ADGRL2: variants seen among roughly 807,000 people sequenced by gnomAD.
The protein encoded by ADGRL2 is calcium-independent alpha-latrotoxin receptor 2.
A neutral mutation model predicts 157.4 loss-of-function variants in ADGRL2; 44 were observed. That is an observed-to-expected ratio of 0.28 (90% CI 0.22 to 0.36). The LOEUF (loss-of-function observed/expected upper bound fraction) is 0.36, where lower values mean the gene tolerates loss of function less well. Among genes scored for constraint, ADGRL2 ranks in the 10% least tolerant of loss-of-function variants. The probability of loss-of-function intolerance (pLI) is 1.00; values close to 1 mark genes in which losing one functional copy is unlikely to be tolerated. For synonymous variants in ADGRL2, 585 were observed against 624.7 expected (o/e 0.94, Z 0.95); for missense variants, 1,510 against 1,768.9 (o/e 0.85, Z 2.63).
intron 2 of ADGRL2, among the ~76,000 whole-genome samples, chr1:81,564,700 GC>G (rs1251312794): frequency 6.6e-6 from 1 of 152,188 alleles, no homozygotes; most frequent in African/African-American, 2.4e-5. Flanking sequence ...ACTAGGTCCA[GC>G]CCATGCTGAA....
At chr1:81,984,476 T>A in intron 19 of ADGRL2, 107 bp from the exon 20 acceptor site, 1 of 1,192,654 alleles carries the variant, frequency 8.4e-7, no homozygotes, top group Non-Finnish European at 1.1e-6. Flanking sequence ...CGGATAAGTT[T>A]TAGTGGAACT....
At chr1:81,836,560 G>T (rs2092292573) in intron 1 of ADGRL2, among the ~76,000 whole-genome samples, 1 of 152,072 alleles carries the variant, frequency 6.6e-6, no homozygotes, top group African/African-American at 2.4e-5. Context: ...ATCCATAGGG[G>T]CTATGAATAC....
At chr1:81,602,759 G>A (rs1398607318) in intron 3 of ADGRL2, among the ~76,000 whole-genome samples, 3 of 151,508 alleles carry the variant, frequency 2.0e-5, no homozygotes, top group African/African-American at 2.4e-5. Context: ...CTAGCCAGAC[G>A]AGATGGCATG....
chr1:81,445,271 A>G (rs1397007176), intron 2 of ADGRL2, among the ~76,000 whole-genome samples: 1 of 152,202 alleles, frequency 6.6e-6, no homozygotes, highest in Non-Finnish European at 1.5e-5. Context: ...AAGAAACTAC[A>G]TGTATGGGTT....
Position 81,990,745 on chromosome 1 carries a change from T to G in ADGRL2, c.4010T>G (p.Leu1337Arg), listed in dbSNP as rs572100788. The G allele has an allele frequency of 6.2e-7, 1 of 1,614,100 alleles. No individual in the cohort carries two copies. Among genetic ancestry groups the G allele is most frequent in the South Asian group, 1.1e-5 (1 of 91,082 alleles). ...ELHHKELEAP[L>R]IPQRTHSLLY... Reference sequence around the variant, plus strand: ...CATCACAAAGAACTCGAGGCACCACTTATTCCTCAGCGGACTCACTCCCTT... The same window carrying G: ...CATCACAAAGAACTCGAGGCACCACGTATTCCTCAGCGGACTCACTCCCTT... The change falls in exon 24 of 24, where the codon CTT becomes CGT. Residue 1337 changes from leucine to arginine, a missense_variant. Leu to Arg is a moderately radical substitution (Grantham distance 102). Around this residue, in one of 4 missense-constraint regions of ADGRL2, gnomAD observed 327 missense variants for 310.1 expected, o/e 1.05. Coordinates refer to ENST00000686636, the MANE Select transcript of ADGRL2 (RefSeq NM_001366006.2).
chr1:81,602,846 C>T (rs544092883), intron 3 of ADGRL2, among the ~76,000 whole-genome samples: 4 of 149,020 alleles, frequency 2.7e-5, no homozygotes, highest in East Asian at 2.0e-4. Flanking sequence ...TGCAGTGAGC[C>T]GAGATCACAC....
chr1:81,661,149 T>C (rs1198910101), intron 3 of ADGRL2, among the ~76,000 whole-genome samples: 1 of 152,014 alleles, frequency 6.6e-6, no homozygotes, highest in African/African-American at 2.4e-5. Flanking sequence ...AATGTTCAAA[T>C]TTAAATATCT....
At chr1:81,897,121 T>C (rs2151543936) in intron 2 of ADGRL2, among the ~76,000 whole-genome samples, 1 of 152,288 alleles carries the variant, frequency 6.6e-6, no homozygotes, top group East Asian at 1.9e-4. Context: ...GACCCAAACC[T>C]AAGCTCAGGT....
At chr1:81,726,191 T>C (rs947795224) in intron 1 of ADGRL2, among the ~76,000 whole-genome samples, 1 of 152,152 alleles carries the variant, frequency 6.6e-6, no homozygotes, top group Non-Finnish European at 1.5e-5. Context: ...TGCCCCTCTT[T>C]TATTCCAATA....
intron 1 of ADGRL2, among the ~76,000 whole-genome samples, chr1:81,375,781 A>T (rs1413652447): frequency 6.6e-6 from 1 of 152,130 alleles, no homozygotes; most frequent in Non-Finnish European, 1.5e-5. Flanking sequence ...GGGACCTTGC[A>T]CTAGATTCAA....
chr1:81,954,968 A>G (rs1653014507), intron 10 of ADGRL2, among the ~76,000 whole-genome samples: 1 of 152,224 alleles, frequency 6.6e-6, no homozygotes, highest in South Asian at 2.1e-4. Context: ...TGAATGGAAT[A>G]GAGTAAATAA....
chr1:81,911,731 C>T (rs541227158), intron 3 of ADGRL2, among the ~76,000 whole-genome samples: 2 of 152,070 alleles, frequency 1.3e-5, no homozygotes, highest in Non-Finnish European at 2.9e-5. Flanking sequence ...CAAAGCAATT[C>T]GTAGACATGT....
At chr1:81,382,886 C>T (rs537594773) in intron 1 of ADGRL2, among the ~76,000 whole-genome samples, 28 of 152,322 alleles carry the variant, frequency 1.8e-4, no homozygotes, top group East Asian at 3.9e-4. Flanking sequence ...AACTAACATT[C>T]GGGAATGTTT....
chr1:81,779,207 G>A (rs754273180), intron 2 of ADGRL2, among the ~76,000 whole-genome samples: 4 of 151,948 alleles, frequency 2.6e-5, no homozygotes, highest in East Asian at 3.9e-4. Flanking sequence ...AAACAAAAAC[G>A]AAGACACTGA....
chr1:81,626,060 A>G (rs1276283675), intron 3 of ADGRL2, among the ~76,000 whole-genome samples: 2 of 152,202 alleles, frequency 1.3e-5, no homozygotes, highest in African/African-American at 4.8e-5. Context: ...CCGAATGATT[A>G]CAAATTGTGT....
chr1:81,584,288 A>G (rs1210055983), intron 3 of ADGRL2, among the ~76,000 whole-genome samples: 1 of 152,102 alleles, frequency 6.6e-6, no homozygotes, highest in African/African-American at 2.4e-5. Context: ...AGGGGGAGTA[A>G]TTTTAATGGT....
chr1:81,364,387 G>C (rs1489498708), intron 1 of ADGRL2, among the ~76,000 whole-genome samples: 1 of 152,118 alleles, frequency 6.6e-6, no homozygotes, highest in African/African-American at 2.4e-5. Flanking sequence ...GACAGAGAAA[G>C]AGTGAAAACA....
chr1:81,520,365 GC>G (rs1247498327), intron 2 of ADGRL2, among the ~76,000 whole-genome samples: 3 of 151,712 alleles, frequency 2.0e-5, no homozygotes, highest in African/African-American at 7.3e-5. Flanking sequence ...CACCATCCCC[GC>G]CCCTCTGCCA....
At chr1:81,549,212 C>A (rs1228990635) in intron 2 of ADGRL2, among the ~76,000 whole-genome samples, 1 of 152,090 alleles carries the variant, frequency 6.6e-6, no homozygotes, top group Non-Finnish European at 1.5e-5. Flanking sequence ...CCTACTGAAG[C>A]CAAATGGATG....
Sources: gnomAD v4.1 joint callset for allele counts (sites outside exome capture counted in the v4.1 genomes callset) on GRCh38, gnomAD v4.1.1 for gene constraint, gnomAD v4.1.1 regional missense constraint, MANE v1.5 for transcripts, NCBI Gene and HGNC (gene_info 2026-07-23, HGNC 2026-07-21) for gene names.